The following ARID1B variants were observed in gnomAD, a reference collection of about 807,000 sequenced individuals.
ARID1B encodes the protein AT-rich interaction domain 1B.
In ARID1B, 30 loss-of-function variants were observed where a neutral mutation model predicts 212.3. The observed-to-expected ratio is 0.14, with a 90% confidence interval of 0.11 to 0.19. ARID1B has a LOEUF of 0.19. Among genes scored for constraint, ARID1B ranks in the 10% least tolerant of loss-of-function variants. The pLI, the probability that ARID1B is intolerant of heterozygous loss-of-function variation, is 1.00. For missense variants in ARID1B, 2,891 were observed against 3,204.0 expected (o/e 0.90, Z 2.36); for synonymous variants, 1,402 against 1,301.7 (o/e 1.08, Z -1.66).
intron 4 of ARID1B, among the ~76,000 whole-genome samples, chr6:157,037,958 A>G (rs1781440379): frequency 6.6e-6 from 1 of 152,164 alleles, no homozygotes; most frequent in African/African-American, 2.4e-5. Flanking sequence ...CAAGAGGAAG[A>G]ATTACAGATT....
intron 2 of ARID1B, among the ~76,000 whole-genome samples, chr6:156,895,435 A>G (rs1449172102): frequency 6.6e-6 from 1 of 152,176 alleles, no homozygotes; most frequent in African/African-American, 2.4e-5. Context: ...TATGGCCTGG[A>G]GTGTCCTAGG....
intron 9 of ARID1B, among the ~76,000 whole-genome samples, chr6:157,172,023 C>CTTTACCACT (rs1791749215): frequency 1.3e-5 from 2 of 152,248 alleles, no homozygotes; most frequent in African/African-American, 2.4e-5. Flanking sequence ...GTGCCCATGA[C>CTTTACCACT]TTTACCACTT....
intron 15 of ARID1B, chr6:157,195,393 T>C (rs1793647009): frequency 6.6e-6 from 1 of 152,252 alleles, no homozygotes; most frequent in African/African-American, 2.4e-5. Flanking sequence ...GTGATCCCCC[T>C]CCACAGCATG....
At chr6:157,081,512 T>C (rs1441219563) in intron 4 of ARID1B, among the ~76,000 whole-genome samples, 1 of 152,222 alleles carries the variant, frequency 6.6e-6, no homozygotes, top group East Asian at 1.9e-4. Context: ...ATAATAATTA[T>C]ATCTTTTTAT....
intron 1 of ARID1B, among the ~76,000 whole-genome samples, chr6:156,786,841 C>T (rs994457844): frequency 1.3e-5 from 2 of 152,128 alleles, no homozygotes; most frequent in African/African-American, 4.8e-5. Flanking sequence ...ACGCTTGCTC[C>T]CTCCATACCT....
rs531530251 is a variant in ARID1B, at chr6:157,182,343, G to C, written c.3714+1165G>C. ...GTGGGGCCAGGTCTGTCTGACTCCA[G>C]ACACATACTCTTCCCATTTGCCACT... On this transcript the variant is annotated intron_variant, in intron 12 of 19. Coordinates refer to ENST00000636930, the MANE Select transcript of ARID1B (RefSeq NM_001374828.1). Among the ~76,000 whole-genome samples the C allele has an allele frequency of 3.9e-5, 6 of 152,348 alleles. No homozygotes were observed. The East Asian group carries it at 9.6e-4, about 24-fold the overall frequency.
At chr6:156,822,748 G>A (rs974869971) in intron 1 of ARID1B, among the ~76,000 whole-genome samples, 1 of 152,182 alleles carries the variant, frequency 6.6e-6, no homozygotes, top group Non-Finnish European at 1.5e-5. Flanking sequence ...GTCCCACAGT[G>A]GCTTCTGGGT....
chr6:156,999,585 G>A (rs1778795301), intron 4 of ARID1B, among the ~76,000 whole-genome samples: 1 of 152,224 alleles, frequency 6.6e-6, no homozygotes, highest in South Asian at 2.1e-4. Context: ...GTGATGAAGA[G>A]CCTTAAGAAA....
chr6:156,883,215 T>A (rs552341069), intron 2 of ARID1B, among the ~76,000 whole-genome samples: 1 of 152,368 alleles, frequency 6.6e-6, no homozygotes, highest in East Asian at 1.9e-4. Context: ...GTCTTTATTC[T>A]TGGTAGCATT....
intron 2 of ARID1B, among the ~76,000 whole-genome samples, chr6:156,842,431 A>G (rs1783965278): frequency 6.6e-6 from 1 of 152,104 alleles, no homozygotes; most frequent in Admixed American, 6.5e-5. Context: ...CTCTTGTGGC[A>G]CGTTCCAGCA....
chr6:156,913,763 A>G (rs1418529682), intron 3 of ARID1B, among the ~76,000 whole-genome samples: 27 of 112,608 alleles, frequency 2.4e-4, no homozygotes, highest in South Asian at 6.7e-4. Flanking sequence ...AGCCCATGGT[A>G]CCCCCATTCC....
intron 4 of ARID1B, among the ~76,000 whole-genome samples, chr6:157,021,461 G>A (rs905814086): frequency 1.3e-5 from 2 of 152,210 alleles, no homozygotes; most frequent in African/African-American, 4.8e-5. Context: ...GGCGGCCTCT[G>A]CCGGCAGGCC....
intron 2 of ARID1B, among the ~76,000 whole-genome samples, chr6:156,858,768 C>CAAAACA (rs1392101948): frequency 6.6e-6 from 1 of 151,834 alleles, no homozygotes; most frequent in South Asian, 2.1e-4. Flanking sequence ...GACTCTGTCT[C>CAAAACA]AAAACAAAAA....
At chr6:156,784,864 A>AT (rs1779527777) in intron 1 of ARID1B, among the ~76,000 whole-genome samples, 2 of 152,112 alleles carry the variant, frequency 1.3e-5, no homozygotes, top group Admixed American at 1.3e-4. Flanking sequence ...GATTCAAGTG[A>AT]TTCTCCTGCC....
chr6:156,902,500 T>C (rs781578252), intron 3 of ARID1B, among the ~76,000 whole-genome samples: 5 of 152,150 alleles, frequency 3.3e-5, no homozygotes, highest in Non-Finnish European at 5.9e-5. Flanking sequence ...GGCTGGTTTC[T>C]TACATATTTT....
intron 2 of ARID1B, among the ~76,000 whole-genome samples, chr6:156,841,707 ACTTGTTTTG>A (rs111551729): frequency 6.7e-4 from 102 of 152,202 alleles, no homozygotes; most frequent in African/African-American, 2.3e-3. Flanking sequence ...TCAGGCACTT[ACTTGTTTTG>A]CTTGTTTTAT....
At chr6:156,983,664 G>A (rs1257077770) in intron 4 of ARID1B, among the ~76,000 whole-genome samples, 1 of 152,156 alleles carries the variant, frequency 6.6e-6, no homozygotes, top group Admixed American at 6.5e-5. Flanking sequence ...TAGGGTCTCA[G>A]TGTTCGGTAC....
chr6:157,157,516 T>G (rs548546185), intron 8 of ARID1B, among the ~76,000 whole-genome samples: 1 of 152,336 alleles, frequency 6.6e-6, no homozygotes, highest in South Asian at 2.1e-4. Context: ...AACAGTGTTT[T>G]GGGCTGAAGG....
At chr6:156,915,123 A>G (rs1477441388) in intron 3 of ARID1B, among the ~76,000 whole-genome samples, 2 of 152,220 alleles carry the variant, frequency 1.3e-5, no homozygotes, top group African/African-American at 4.8e-5. Flanking sequence ...GTAAATGTTT[A>G]CTGCTGGGTA....
Sources: gnomAD v4.1 joint callset for allele counts (sites outside exome capture counted in the v4.1 genomes callset) on GRCh38, gnomAD v4.1.1 for gene constraint, MANE v1.5 for transcripts, NCBI Gene and HGNC (gene_info 2026-07-23, HGNC 2026-07-21) for gene names.